NEK11: variants seen among roughly 807,000 people sequenced by gnomAD.
NEK11 encodes the protein NIMA related kinase 11, also known as serine/threonine-protein kinase Nek11.
NEK11 carries 72 observed loss-of-function variants against 80.7 expected under a neutral mutation model. The observed-to-expected ratio is 0.89, with a 90% CI of 0.74 to 1.08. The LOEUF is 1.08. NEK11 is among the 50% of genes least tolerant of loss of function. The pLI is 0.00. For synonymous variants in NEK11, 251 were observed against 260.7 expected, an observed-to-expected ratio of 0.96 and a Z score of 0.36; for missense variants, 764 against 763.6, an observed-to-expected ratio of 1.00 and a Z score of -0.01.
intron 17 of NEK11, among the ~76,000 whole-genome samples, chr3:131,305,783 G>T (rs1388860278): frequency 1.3e-5 from 2 of 152,090 alleles, no homozygotes; most frequent in African/African-American, 4.8e-5. Context: ...GAGTCACTGG[G>T]GCTAGGAATG....
At chr3:131,196,827 ATTTCT>A (rs948345628) in intron 14 of NEK11, among the ~76,000 whole-genome samples, 38 of 149,836 alleles carry the variant, frequency 2.5e-4, no homozygotes, top group South Asian at 4.2e-4. Flanking sequence ...TGGCCACAAA[ATTTCT>A]TTTCTTTTCT....
Position 131,309,987 on chromosome 3 carries a change from TAAAAAAAAAAAAAAAAAA to T in NEK11, c.1718+36432_1718+36449del, listed in dbSNP as rs558210123. ...CTGGGTGAGAGAATGAGACCATGTT[TAAAAAAAAAAAAAAAAAA>T]AAAAAAAAAAAAAAAAAACAACCTG... On this transcript the variant is annotated intron_variant, in intron 17 of 17. Transcript: ENST00000383366. Among the ~76,000 whole-genome samples, 14 of 23,308 alleles carry T rather than the reference TAAAAAAAAAAAAAAAAAA, an allele frequency of 6.0e-4. 2 individuals carry two copies. Among genetic ancestry groups the T allele is most frequent in the Middle Eastern group, 0.038 (1 of 26 alleles). The allele number at this position is 23,308 out of a possible 152,430, so 15.3% of individuals were successfully genotyped here.
chr3:131,044,053 C>A (rs1322128211), intron 3 of NEK11, among the ~76,000 whole-genome samples: 3 of 152,210 alleles, frequency 2.0e-5, no homozygotes, highest in East Asian at 1.9e-4. Context: ...CCTTTACAGA[C>A]AAGCAAATAC....
chr3:131,193,212 C>T (rs1048020396), intron 14 of NEK11, among the ~76,000 whole-genome samples: 1 of 151,848 alleles, frequency 6.6e-6, no homozygotes, highest in African/African-American at 2.4e-5. Flanking sequence ...TTTTTAGCGA[C>T]TAGCCTAAGA....
At chr3:131,143,358 T>G (rs1388308791) in intron 7 of NEK11, among the ~76,000 whole-genome samples, 1 of 152,144 alleles carries the variant, frequency 6.6e-6, no homozygotes, top group East Asian at 1.9e-4. Context: ...TCCCTCTGCT[T>G]CTTCTCACAC....
intron 14 of NEK11, among the ~76,000 whole-genome samples, chr3:131,218,967 T>C (rs185991791): frequency 1.3e-3 from 198 of 152,254 alleles, no homozygotes; most frequent in African/African-American, 4.6e-3. Context: ...AGTTCAACCA[T>C]TGTGGAAGAC....
chr3:131,159,132 T>A lies in NEK11; in HGVS notation c.963-3276T>A, dbSNP rs184041352. Among the ~76,000 whole-genome samples the A allele has an allele frequency of 1.4e-4, 21 of 152,246 alleles. No individual in the cohort carries two copies. The Middle Eastern group carries it at 0.01, about 74-fold the overall frequency. On this transcript the variant is annotated intron_variant, in intron 10 of 17. Coordinates refer to ENST00000383366, the MANE Select transcript of NEK11 (RefSeq NM_024800.5). ...TCAAGTAGAATAAAAGGAAAAAACA[T>A]CCAAAGGATAGCATCTTCAAAGATT...
chr3:131,181,228 C>A (rs1478448946), intron 14 of NEK11, among the ~76,000 whole-genome samples: 1 of 152,088 alleles, frequency 6.6e-6, no homozygotes, highest in East Asian at 1.9e-4. Context: ...CAGGGGAGAA[C>A]CAGAGAGATG....
At chr3:131,100,832 T>G (rs1387860219) in intron 4 of NEK11, among the ~76,000 whole-genome samples, 1 of 152,170 alleles carries the variant, frequency 6.6e-6, no homozygotes, top group African/African-American at 2.4e-5. Context: ...GTTCTTTTTG[T>G]ACAACTGGTA....
At chr3:131,348,865 G>T (rs2097407026) in intron 17 of NEK11, among the ~76,000 whole-genome samples, 1 of 151,966 alleles carries the variant, frequency 6.6e-6, no homozygotes, top group Non-Finnish European at 1.5e-5. Flanking sequence ...CTGTTGTAAA[G>T]GTTAAGTGTG....
At chr3:131,211,592 C>G (rs1349270349) in intron 14 of NEK11, among the ~76,000 whole-genome samples, 3 of 152,216 alleles carry the variant, frequency 2.0e-5, no homozygotes, top group Admixed American at 1.3e-4. Flanking sequence ...CTCCCCGTCA[C>G]TTTCAGTTAC....
chr3:131,128,618 C>A (rs1285395403), intron 5 of NEK11, among the ~76,000 whole-genome samples: 1 of 152,186 alleles, frequency 6.6e-6, no homozygotes, highest in Non-Finnish European at 1.5e-5. Flanking sequence ...CTATAAACAC[C>A]ATTGTGCAGG....
intron 4 of NEK11, among the ~76,000 whole-genome samples, chr3:131,086,540 G>A (rs1248842812): frequency 6.6e-6 from 1 of 152,132 alleles, no homozygotes; most frequent in Non-Finnish European, 1.5e-5. Context: ...TTCCAACTTT[G>A]GCTAATGGGG....
At chr3:131,235,191 G>A (rs2095410137) in intron 15 of NEK11, among the ~76,000 whole-genome samples, 1 of 152,158 alleles carries the variant, frequency 6.6e-6, no homozygotes, top group Non-Finnish European at 1.5e-5. Context: ...GCTCCGCTGT[G>A]CTGCTCCTGG....
intron 17 of NEK11, among the ~76,000 whole-genome samples, chr3:131,309,987 TAAAAAA>T (rs558210123): frequency 3.4e-4 from 8 of 23,310 alleles, no homozygotes; most frequent in African/African-American, 8.4e-4. Context: ...AGACCATGTT[TAAAAAA>T]AAAAAAAAAA....
chr3:131,301,131 T>C (rs2096656645), intron 17 of NEK11, among the ~76,000 whole-genome samples: 1 of 152,192 alleles, frequency 6.6e-6, no homozygotes, highest in Admixed American at 6.5e-5. Flanking sequence ...TTTTGTTCTT[T>C]CCGTGGCTAT....
At chr3:131,221,950 A>G (rs930842489) in intron 14 of NEK11, among the ~76,000 whole-genome samples, 2 of 152,138 alleles carry the variant, frequency 1.3e-5, no homozygotes, top group South Asian at 4.1e-4. Flanking sequence ...ATTCTGAGGC[A>G]CACTCAAGTT....
chr3:131,074,158 A>G (rs917439370), intron 3 of NEK11, among the ~76,000 whole-genome samples: 2 of 151,946 alleles, frequency 1.3e-5, no homozygotes, highest in Non-Finnish European at 2.9e-5. Context: ...CCAAATTACT[A>G]CTTGCATTCA....
intron 2 of NEK11, among the ~76,000 whole-genome samples, chr3:131,028,845 C>T (rs377134444): frequency 5.3e-5 from 8 of 151,652 alleles, no homozygotes; most frequent in Middle Eastern, 3.3e-3. Context: ...TGAGCCACTG[C>T]GCCCGGCCTA....
Sources: gnomAD v4.1 joint callset for allele counts (sites outside exome capture counted in the v4.1 genomes callset) on GRCh38, gnomAD v4.1.1 for gene constraint, MANE v1.5 for transcripts, NCBI Gene and HGNC (gene_info 2026-07-23, HGNC 2026-07-21) for gene names.